The following CTRL variants were observed in gnomAD, a reference collection of about 807,000 sequenced individuals.
CTRL encodes the protein chymotrypsin like, also known as chymotrypsin-like protease CTRL-1.
Under a neutral mutation model 35.5 loss-of-function variants are expected in CTRL, and 38 were observed. The observed-to-expected ratio is 1.07, with a 90% CI of 0.83 to 1.40. CTRL has a LOEUF of 1.40. CTRL is among the 40% of genes most tolerant of loss of function. CTRL has a pLI of 0.00. For synonymous variants in CTRL, 155 were observed against 141.1 expected, an observed-to-expected ratio of 1.10 and a Z score of -0.70; for missense variants, 327 against 342.9, an observed-to-expected ratio of 0.95 and a Z score of 0.37.
chr16:67,930,329 G>A lies in CTRL; in HGVS notation c.500-11C>T, dbSNP rs1263869320. ...CTGGTGTCACATTGCCTGTGGGCCA[G>A]GAGGGGTGGTCACATGGGGCCCAGA... On this transcript the variant is annotated splice_polypyrimidine_tract_variant and intron_variant, in intron 5 of 6. Coordinates refer to ENST00000574481, the MANE Select transcript of CTRL (RefSeq NM_001907.3). The surrounding 1 kb of genome is among the most constrained non-coding windows in gnomAD (Gnocchi z 4.3). 4 of 1,613,838 alleles carry A rather than the reference G, an allele frequency of 2.5e-6. No homozygotes were observed. Among genetic ancestry groups the A allele is most frequent in the African/African-American group, 2.7e-5 (2 of 75,020 alleles).
Position 67,929,861 on chromosome 16 carries a change from G to A in CTRL, c.*73C>T, listed in dbSNP as rs2058231992. Reference sequence around the variant, plus strand: ...CCTCTTCTTTCTCCTGAGCCAGGAAGACAGACATGAATGCATGATGGGACA... The same window carrying A: ...CCTCTTCTTTCTCCTGAGCCAGGAAAACAGACATGAATGCATGATGGGACA... On this transcript the variant is annotated 3_prime_UTR_variant, in exon 7 of 7. Coordinates refer to ENST00000574481, the MANE Select transcript of CTRL (RefSeq NM_001907.3). The A allele has an allele frequency of 2.6e-6, 4 of 1,517,408 alleles. No homozygotes were observed. In the Admixed American group the frequency reaches 7.0e-5, roughly 27 times the overall value. 94.0% of individuals were successfully genotyped at this position (1,517,408 alleles called of 1,614,324 possible).
rs114584287 is a variant in CTRL at position 67,931,307 on chromosome 16, G to A, written c.53-106C>T. On this transcript the variant is annotated intron_variant, in intron 1 of 6. Coordinates refer to ENST00000574481, the MANE Select transcript of CTRL (RefSeq NM_001907.3). Reference sequence around the variant, plus strand: ...GCACCCCAGAGAGGTCTGTCGAGAGGGTACAGCACTACCCCTTCCCCAACA... The same window carrying A: ...GCACCCCAGAGAGGTCTGTCGAGAGAGTACAGCACTACCCCTTCCCCAACA... 9.5e-4 allele frequency: 1,013 copies of A among 1,064,848 alleles called. 11 individuals are homozygous for A. In the African/African-American group the frequency reaches 0.013, roughly 14 times the overall value. The allele number at this position is 1,064,848 out of a possible 1,614,324, so 66.0% of individuals were successfully genotyped here.
At position 67,930,902 on chromosome 16, in the gene CTRL, T is replaced by C; in HGVS notation, c.236+18A>G. 2 of 1,611,136 alleles carry C rather than the reference T, an allele frequency of 1.2e-6. No individual in the cohort carries two copies. The highest frequency in any genetic ancestry group is 1.7e-6 in the Non-Finnish European group (2 of 1,179,402). On this transcript the variant is annotated intron_variant, in intron 3 of 6. Transcript: ENST00000574481. This position sits in a 1 kb window ranked among gnomAD's most constrained non-coding sequence, Gnocchi z 4.3. ...AGGAAGAGGCGAGGGGCGGGGCAGG[T>C]GGAATGCAGGCACTCACCTGACATT...
At position 67,931,847 on chromosome 16, in the gene CTRL, C is replaced by A. The variant is rs1336495701; in HGVS notation, c.6G>T (p.Leu2Phe). The change falls in exon 1 of 7, where the codon TTG becomes TTT. Residue 2 changes from leucine (L) to phenylalanine (F), a missense_variant. Physicochemically the swap from Leu to Phe is conservative, Grantham distance 22. Transcript: ENST00000574481. ...CCAGGCTTAGGGTCAGGCTGAGCAGCAACATCGTGGCAGATGTGAGGTTGG... is the reference window on the plus strand; with the variant it reads ...CCAGGCTTAGGGTCAGGCTGAGCAGAAACATCGTGGCAGATGTGAGGTTGG... M[L>F]LLSLTLSLVL... The A allele has an allele frequency of 6.4e-7, 1 of 1,571,520 alleles. No individual in the cohort carries two copies. The highest frequency in any genetic ancestry group is 2.4e-5 in the East Asian group (1 of 42,172).
rs527565280 is a variant in CTRL at position 67,929,735 on chromosome 16, C to T, written c.*199G>A. Reference sequence around the variant, plus strand: ...TGCCCTGGAGGAGGGGTGGGGGCCCCGGCCTCGGCATGGCTACTCTAGGAA... The same window carrying T: ...TGCCCTGGAGGAGGGGTGGGGGCCCTGGCCTCGGCATGGCTACTCTAGGAA... On this transcript the variant is annotated 3_prime_UTR_variant, in exon 7 of 7. Transcript: ENST00000574481. The T allele has an allele frequency of 2.9e-5, 18 of 616,288 alleles. No individual in the cohort carries two copies. Among genetic ancestry groups the T allele is most frequent in the South Asian group, 1.8e-4 (8 of 45,168 alleles). 38.2% of individuals were successfully genotyped at this position (616,288 alleles called of 1,614,324 possible).
chr16:67,931,408 TCTC>T (rs1388390083), intron 1 of CTRL: 8 of 614,768 alleles, frequency 1.3e-5, no homozygotes, highest in Non-Finnish European at 2.0e-5. Context: ...GCCCTGCTGT[TCTC>T]CTACATCTGT....
chr16:67,931,818 A>T lies in CTRL; in HGVS notation c.35T>A (p.Leu12His). The T allele has an allele frequency of 6.4e-7, 1 of 1,571,034 alleles. No individual in the cohort carries two copies. Among genetic ancestry groups the T allele is most frequent in the Non-Finnish European group, 8.6e-7 (1 of 1,158,176 alleles). The part of the protein sequence containing the change: ...LLLSLTLSLV[L>H]LGSSWGCGIP... The stretch of plus-strand genomic sequence containing the variant: ...CCACTCACCCCAGGAGGAGCCGAGG[A>T]GAACCAGGCTTAGGGTCAGGCTGAG... The change falls in exon 1 of 7, where the codon CTC becomes CAC. Residue 12 changes from leucine to histidine, a missense_variant. Physicochemically the swap from Leu to His is moderately conservative, Grantham distance 99. Transcript: ENST00000574481.
Position 67,930,004 on chromosome 16 carries a change from C to T in CTRL, c.725G>A (p.Arg242His), listed in dbSNP as rs546110632. The change falls in exon 7 of 7, where the codon CGC becomes CAC. Residue 242 changes from arginine to histidine, a missense_variant. Coordinates refer to ENST00000574481, the MANE Select transcript of CTRL (RefSeq NM_001907.3). This position sits in a 1 kb window ranked among gnomAD's most constrained non-coding sequence, Gnocchi z 4.3. ...VSWGTKNCNVRAPAVYTRVSK... is the reference protein window; with the variant it reads ...VSWGTKNCNVHAPAVYTRVSK... ...AACTCGAGTATACACAGCAGGTGCG[C>T]GCACATTGCAGTTTTTGGTGCCCCA... 1.5e-5 allele frequency: 24 copies of T among 1,614,146 alleles called. No individual in the cohort carries two copies. Among genetic ancestry groups the T allele is most frequent in the Admixed American group, 1.3e-4 (8 of 60,028 alleles).
rs75626513 is a variant in CTRL, at chr16:67,930,022, G to A, written c.707C>T (p.Thr236Ile). The A allele has an allele frequency of 1.8e-4, 287 of 1,614,120 alleles. 1 individual carries two copies. In the African/African-American group the frequency reaches 3.4e-3, roughly 19 times the overall value. ...WVLIGIVSWG[T>I]KNCNVRAPAV... ...AGGTGCGCGCACATTGCAGTTTTTGGTGCCCCAGGAGACAATACCAATAAG... is the reference window on the plus strand; with the variant it reads ...AGGTGCGCGCACATTGCAGTTTTTGATGCCCCAGGAGACAATACCAATAAG... The change falls in exon 7 of 7, where the codon ACC becomes ATC. Residue 236 changes from threonine (T) to isoleucine (I), a missense_variant. Physicochemically the swap from Thr to Ile is moderately conservative, Grantham distance 89. Coordinates refer to ENST00000574481, the MANE Select transcript of CTRL (RefSeq NM_001907.3). The surrounding 1 kb of genome is among the most constrained non-coding windows in gnomAD (Gnocchi z 4.3).
rs1192330943 is a variant in CTRL, at chr16:67,929,951, C to A, written c.778G>T (p.Val260Phe). 1 of 1,614,152 alleles carries A rather than the reference C, an allele frequency of 6.2e-7. No individual in the cohort carries two copies. Among genetic ancestry groups the A allele is most frequent in the East Asian group, 2.2e-5 (1 of 44,880 alleles). ...TGGTGAGCTCAGTTGTAGGCTATGA[C>A]CTGGTTGATCCAGGTGCTGAACTTG... The part of the protein sequence containing the change: ...VSKFSTWINQ[V>F]IAYN The change falls in exon 7 of 7, where the codon GTC (valine) becomes TTC (phenylalanine). Residue 260 changes from valine (V) to phenylalanine (F), a missense_variant. Transcript: ENST00000574481.
Position 67,930,888 on chromosome 16 carries a change from A to AG in CTRL, c.236+31dup. On this transcript the variant is annotated intron_variant, in intron 3 of 6. Coordinates refer to ENST00000574481, the MANE Select transcript of CTRL (RefSeq NM_001907.3). The surrounding 1 kb of genome is among the most constrained non-coding windows in gnomAD (Gnocchi z 4.3). ...CCAGGGGAGGAGGCAGGAAGAGGCG[A>AG]GGGGCGGGGCAGGTGGAATGCAGGC... is the stretch of plus-strand genomic sequence containing the variant. 1.9e-6 allele frequency: 3 copies of AG among 1,612,434 alleles called. No individual in the cohort carries two copies. Among genetic ancestry groups the AG allele is most frequent in the Non-Finnish European group, 2.5e-6 (3 of 1,179,650 alleles).
Position 67,930,432 on chromosome 16 carries a change from C to T in CTRL, c.475G>A (p.Gly159Ser), listed in dbSNP as rs558031928. The T allele has an allele frequency of 3.0e-5, 49 of 1,614,032 alleles. 1 individual carries two copies. Among genetic ancestry groups the T allele is most frequent in the South Asian group, 2.4e-4 (22 of 91,084 alleles). ...CCCACGCCACTGAGGCGACCCCAGCCGGTGGTGACACACGTGAGGCCTTCA... is the reference window on the plus strand; with the variant it reads ...CCCACGCCACTGAGGCGACCCCAGCTGGTGGTGACACACGTGAGGCCTTCA... ...LTEGLTCVTTGWGRLSGVGNV... is the reference protein window; with the variant it reads ...LTEGLTCVTTSWGRLSGVGNV... Residue 159 changes from glycine (G) to serine (S), a missense_variant, in exon 5 of 7, where the codon GGC becomes AGC. Coordinates refer to ENST00000574481, the MANE Select transcript of CTRL (RefSeq NM_001907.3). This position sits in a 1 kb window ranked among gnomAD's most constrained non-coding sequence, Gnocchi z 4.3.
chr16:67,930,235 T>C lies in CTRL; in HGVS notation c.583A>G (p.Ile195Val), dbSNP rs753402362. Residue 195 changes from isoleucine to valine, a missense_variant, in exon 6 of 7, where the codon ATC (isoleucine) becomes GTC (valine). Coordinates refer to ENST00000574481, the MANE Select transcript of CTRL (RefSeq NM_001907.3). This position sits in a 1 kb window ranked among gnomAD's most constrained non-coding sequence, Gnocchi z 4.3. Reference sequence around the variant, plus strand: ...CCTGCACAGATCATGGAGTCAGTGATACTTGAGCCCCAGTACTGCCGGCAC... The same window carrying C: ...CCTGCACAGATCATGGAGTCAGTGACACTTGAGCCCCAGTACTGCCGGCAC... ...NQCRQYWGSS[I>V]TDSMICAGGA... is the part of the protein sequence containing the mutation. 1.2e-6 allele frequency: 2 copies of C among 1,614,008 alleles called. No individual in the cohort carries two copies. The highest frequency in any genetic ancestry group is 1.7e-6 in the Non-Finnish European group (2 of 1,180,008).
chr16:67,931,381 A>G (rs377651992), intron 1 of CTRL, 180 bp from the exon 2 acceptor site: 1 of 634,964 alleles, frequency 1.6e-6, no homozygotes, highest in African/African-American at 1.8e-5. Flanking sequence ...GGTTATCCCT[A>G]TCCACCCAGT....
Position 67,930,589 on chromosome 16 carries a change from C to T in CTRL, c.319-1G>A, listed in dbSNP as rs756379071. 3 of 1,613,656 alleles carry T rather than the reference C, an allele frequency of 1.9e-6. No individual in the cohort carries two copies. Among genetic ancestry groups the T allele is most frequent in the Non-Finnish European group, 2.5e-6 (3 of 1,179,636 alleles). ...AGTTCCAGCTAGGGTGTGTAATGGC[C>T]TGTGGGGTCAGAAACAGTCCATGTT... On this transcript the variant is annotated splice_acceptor_variant, in intron 4 of 6. Transcript: ENST00000574481. LOFTEE classifies it high-confidence loss of function. The surrounding 1 kb of genome is among the most constrained non-coding windows in gnomAD (Gnocchi z 4.3).
At chr16:67,931,227 G>T (rs778203823) in intron 1 of CTRL, 26 bp from the exon 2 acceptor site, 4 of 1,610,834 alleles carry the variant, frequency 2.5e-6, no homozygotes, top group Non-Finnish European at 3.4e-6. Context: ...ATGAGGACCT[G>T]CTTCCCATGC....
At position 67,930,547 on chromosome 16, in the gene CTRL, A is replaced by G. The variant is rs373052940; in HGVS notation, c.360T>C (p.Asn120=). The G allele has an allele frequency of 1.2e-5, 20 of 1,613,956 alleles. 1 individual carries two copies. Among genetic ancestry groups the G allele is most frequent in the Middle Eastern group, 1.6e-4 (1 of 6,084 alleles). Residue 120 remains asparagine, a synonymous_variant, in exon 5 of 7, where the codon AAT becomes AAC. Coordinates refer to ENST00000574481, the MANE Select transcript of CTRL (RefSeq NM_001907.3). This position sits in a 1 kb window ranked among gnomAD's most constrained non-coding sequence, Gnocchi z 4.3. ...HPSWNSTTMN[N]DVTLLKLASP... ...AGGCGAGCTTCAGCAGCGTCACGTC[A>G]TTGTTCATGGTGGTAGAGTTCCAGC...
At position 67,930,516 on chromosome 16, in the gene CTRL, C is replaced by T. The variant is rs749373891; in HGVS notation, c.391G>A (p.Ala131Thr). 33 of 1,614,058 alleles carry T rather than the reference C, an allele frequency of 2.0e-5. No homozygotes were observed. The highest frequency in any genetic ancestry group is 2.6e-5 in the Non-Finnish European group (31 of 1,180,044). ...GGCGAGATGCGTGTTGTGTACTGGGCTGGCGAGGCGAGCTTCAGCAGCGTC... is the reference window on the plus strand; with the variant it reads ...GGCGAGATGCGTGTTGTGTACTGGGTTGGCGAGGCGAGCTTCAGCAGCGTC... ...DVTLLKLASP[A>T]QYTTRISPVC... is the part of the protein sequence containing the mutation. The change falls in exon 5 of 7, where the codon GCC (alanine) becomes ACC (threonine). Residue 131 changes from alanine to threonine, a missense_variant. Transcript: ENST00000574481. This position sits in a 1 kb window ranked among gnomAD's most constrained non-coding sequence, Gnocchi z 4.3.
In CTRL at chr16:67,930,702, C is replaced by T. The variant is rs113261540; in HGVS notation, c.318+24G>A. 23 of 1,612,836 alleles carry T rather than the reference C, an allele frequency of 1.4e-5. No individual in the cohort carries two copies. Among genetic ancestry groups the T allele is most frequent in the African/African-American group, 1.1e-4 (8 of 75,008 alleles). ...CCACCTGCACTGCCCACTTTTCCTC[C>T]GTGTCTGCAGCCCAGGCACTCACCC... is the stretch of plus-strand genomic sequence containing the variant. On this transcript the variant is annotated intron_variant, in intron 4 of 6. Coordinates refer to ENST00000574481, the MANE Select transcript of CTRL (RefSeq NM_001907.3). This position sits in a 1 kb window ranked among gnomAD's most constrained non-coding sequence, Gnocchi z 4.3.
Sources: allele counts gnomAD v4.1 joint callset, GRCh38; gene constraint gnomAD v4.1.1; non-coding constraint Gnocchi (gnomAD v3.1); transcripts MANE v1.5; gene names NCBI Gene and HGNC (gene_info 2026-07-23, HGNC 2026-07-21).